The following HK2 variants were observed in gnomAD, a reference collection of about 807,000 sequenced individuals.
HK2 encodes hexokinase-2.
Under a neutral mutation model 92.9 loss-of-function variants are expected in HK2, and 42 were observed. That is an observed-to-expected ratio of 0.45 (90% confidence interval 0.35 to 0.58). The LOEUF (loss-of-function observed/expected upper bound fraction) is 0.58. HK2 is among the 20% of genes least tolerant of loss of function. The pLI is 0.00. For synonymous variants in HK2, 422 were observed against 468.0 expected (o/e 0.90, Z 1.27); for missense variants, 978 against 1,245.1 (o/e 0.79, Z 3.23).
chr2:74,882,083 A>C (rs1247664327), intron 11 of HK2, 37 bp from the exon 12 acceptor site: 1 of 1,607,814 alleles, frequency 6.2e-7, no homozygotes, highest in Admixed American at 1.7e-5. Flanking sequence ...TGCCCTGCCC[A>C]GGGCCCCTCC....
intron 12 of HK2, among the ~76,000 whole-genome samples, chr2:74,882,874 G>C (rs1360621248): frequency 6.6e-6 from 1 of 151,792 alleles, no homozygotes; most frequent in Non-Finnish European, 1.5e-5. Context: ...GGGCTCCTGA[G>C]GCCCTTGTTA....
chr2:74,873,811 TGAA>T (rs777009554), intron 5 of HK2, 30 bp from the exon 6 acceptor site: 3 of 1,497,694 alleles, frequency 2.0e-6, no homozygotes, highest in East Asian at 2.3e-5. Context: ...TCTGTGATGA[TGAA>T]GGTCAGAGCC....
At chr2:74,857,337 A>G (rs911236099) in intron 2 of HK2, among the ~76,000 whole-genome samples, 2 of 152,232 alleles carry the variant, frequency 1.3e-5, no homozygotes, top group African/African-American at 4.8e-5. Context: ...AATGGGAGAT[A>G]AACCCTTGGT....
chr2:74,888,654 G>A (rs1038361243), intron 16 of HK2, among the ~76,000 whole-genome samples: 4 of 152,162 alleles, frequency 2.6e-5, no homozygotes, highest in African/African-American at 7.2e-5. Flanking sequence ...TAGACCCCTC[G>A]GGCATCTGCA....
intron 6 of HK2, 130 bp from the exon 7 acceptor site, chr2:74,874,136 T>C: frequency 2.5e-6 from 3 of 1,182,306 alleles, no homozygotes; most frequent in Non-Finnish European, 3.7e-6. Flanking sequence ...TGTATTGTGA[T>C]GCCCCCAGAG....
intron 10 of HK2, 88 bp downstream of exon 10, chr2:74,880,657 G>A: frequency 7.5e-7 from 1 of 1,338,468 alleles, no homozygotes; most frequent in South Asian, 1.2e-5. Flanking sequence ...CATTAGCATT[G>A]GACATTTGAA....
intron 2 of HK2, among the ~76,000 whole-genome samples, chr2:74,861,523 T>A (rs986020146): frequency 1.3e-5 from 2 of 152,214 alleles, no homozygotes; most frequent in Non-Finnish European, 2.9e-5. Context: ...ACAAAAACTT[T>A]ACAAGAGAGT....
intron 1 of HK2, among the ~76,000 whole-genome samples, chr2:74,842,237 A>T (rs1688330259): frequency 6.6e-6 from 1 of 151,554 alleles, no homozygotes; most frequent in African/African-American, 2.4e-5. Flanking sequence ...GTTCAACTTG[A>T]TTTTTTTTTG....
chr2:74,840,533 T>C (rs970101604), intron 1 of HK2, among the ~76,000 whole-genome samples: 7 of 151,968 alleles, frequency 4.6e-5, no homozygotes, highest in Non-Finnish European at 1.0e-4. Flanking sequence ...GTTTGGTTTG[T>C]TTTCCAACAC....
chr2:74,886,457 C>T, intron 14 of HK2, 33 bp from the exon 15 acceptor site: 1 of 1,613,928 alleles, frequency 6.2e-7, no homozygotes, highest in Non-Finnish European at 8.5e-7. Context: ...GGGGTTGGTG[C>T]TGAGTGAGGC....
intron 1 of HK2, among the ~76,000 whole-genome samples, chr2:74,839,951 CTTTTTTTTTTTT>C (rs773321768): frequency 1.0e-5 from 1 of 97,032 alleles, no homozygotes; most frequent in Non-Finnish European, 2.1e-5. Flanking sequence ...TGCGCCTGGC[CTTTTTTTTTTTT>C]TTTTTTTTTT....
intron 1 of HK2, among the ~76,000 whole-genome samples, chr2:74,836,331 A>G (rs750982881): frequency 6.6e-6 from 1 of 152,150 alleles, no homozygotes; most frequent in African/African-American, 2.4e-5. Context: ...ACCACTCTCA[A>G]TCTTGGAATG....
chr2:74,882,565 C>A lies in HK2; in HGVS notation c.1839+326C>A, dbSNP rs1053633113. 1.6e-5 allele frequency among the ~76,000 whole-genome samples: 2 copies of A among 121,642 alleles called. 1 individual carries two copies. The highest frequency in any genetic ancestry group is 5.5e-4 in the South Asian group (2 of 3,612). The allele number at this position is 121,642 out of a possible 152,430, so 79.8% of individuals were successfully genotyped here. On this transcript the variant is annotated intron_variant, in intron 12 of 17. Transcript: ENST00000290573. ...ATTACTTGAGGCCAGGATTTCAAGACTAGCCTAGGCAACATAGGAAGACCC... is the reference window on the plus strand; with the variant it reads ...ATTACTTGAGGCCAGGATTTCAAGAATAGCCTAGGCAACATAGGAAGACCC...
intron 2 of HK2, among the ~76,000 whole-genome samples, chr2:74,859,157 AC>A (rs1021709234): frequency 2.0e-5 from 3 of 152,018 alleles, no homozygotes; most frequent in African/African-American, 7.3e-5. Flanking sequence ...TGCTTTATCA[AC>A]CCCCCAATCC....
chr2:74,870,001 C>CTTTTTTTTTT (rs66946936), intron 3 of HK2, among the ~76,000 whole-genome samples: 6 of 121,518 alleles, frequency 4.9e-5, no homozygotes, highest in East Asian at 2.4e-4. Context: ...CTTTTCTTTT[C>CTTTTTTTTTT]TTTTTTTTTT....
At chr2:74,841,806 C>T (rs1688322038) in intron 1 of HK2, among the ~76,000 whole-genome samples, 1 of 152,238 alleles carries the variant, frequency 6.6e-6, no homozygotes, top group Non-Finnish European at 1.5e-5. Flanking sequence ...CACCCTGGTG[C>T]TGCTGTAGTT....
At chr2:74,877,460 G>A (rs935015185) in intron 8 of HK2, 139 bp downstream of exon 8, 7 of 945,354 alleles carry the variant, frequency 7.4e-6, no homozygotes, top group African/African-American at 3.2e-5. Flanking sequence ...GGACCATGGC[G>A]GGCCTGTGGC....
chr2:74,877,269 G>A lies in HK2; in HGVS notation c.979G>A (p.Glu327Lys). Residue 327 changes from glutamate to lysine, a missense_variant, in exon 8 of 18, where the codon GAG (glutamate) becomes AAG (lysine). Transcript: ENST00000290573. ...GCTCTTTGGGGGGAAGCTCAGCCCA[G>A]AGCTTCTCAACACCGGTCGCTTTGA... is the stretch of plus-strand genomic sequence containing the variant. ...ELLFGGKLSP[E>K]LLNTGRFETK... 6.2e-7 allele frequency: 1 copy of A among 1,614,204 alleles called. No individual in the cohort carries two copies.
At chr2:74,849,233 A>G (rs1040216296) in intron 1 of HK2, among the ~76,000 whole-genome samples, 1 of 152,080 alleles carries the variant, frequency 6.6e-6, no homozygotes, top group African/African-American at 2.4e-5. Flanking sequence ...GTATGGGGTT[A>G]ATTTGTCTTT....
Sources: gnomAD v4.1 joint callset for allele counts (sites outside exome capture counted in the v4.1 genomes callset) on GRCh38, gnomAD v4.1.1 for gene constraint, MANE v1.5 for transcripts, NCBI Gene and HGNC (gene_info 2026-07-23, HGNC 2026-07-21) for gene names.